Variants in TRIM44 observed in about 807,000 individuals in gnomAD.
TRIM44 encodes the protein tripartite motif-containing protein 44.
A neutral mutation model predicts 37.4 loss-of-function variants in TRIM44; 13 were observed. The ratio of observed to expected loss-of-function variants is 0.35; its 90% CI spans 0.23 to 0.55. TRIM44 has a LOEUF of 0.55. Among genes scored for constraint, TRIM44 ranks in the 20% least tolerant of loss-of-function variants. The pLI, the probability that TRIM44 is intolerant of heterozygous loss-of-function variation, is 0.89. For synonymous variants in TRIM44, 175 were observed against 157.2 expected, an observed-to-expected ratio of 1.11 and a Z score of -0.85; for missense variants, 426 against 437.2, an observed-to-expected ratio of 0.97 and a Z score of 0.23.
In TRIM44 at chr11:35,811,631, A is replaced by C. The variant is rs937936654; in HGVS notation, c.*5246A>C. On this transcript the variant is annotated 3_prime_UTR_variant, in exon 5 of 5. Coordinates refer to ENST00000299413, the MANE Select transcript of TRIM44 (RefSeq NM_017583.6). ...ATATACTCAGAGGCCTTCAGGAGCC[A>C]AATGTGAAGACTCAAGATGGTAGAT... is the stretch of plus-strand genomic sequence containing the variant. 1.3e-5 allele frequency: 2 copies of C among 152,202 alleles called. No individual in the cohort carries two copies. Among genetic ancestry groups the C allele is most frequent in the African/African-American group, 4.8e-5 (2 of 41,462 alleles). The allele number at this position is 152,202 out of a possible 1,614,324, so 9.4% of individuals were successfully genotyped here.
chr11:35,716,143 G>T (rs1394171955), intron 2 of TRIM44, among the ~76,000 whole-genome samples: 1 of 152,204 alleles, frequency 6.6e-6, no homozygotes, highest in Non-Finnish European at 1.5e-5. Context: ...CCAAGGCAGA[G>T]GGAGTGAAGA....
In TRIM44 at chr11:35,663,157, G is replaced by C. The variant is rs1166806753; in HGVS notation, c.46G>C (p.Gly16Arg). Reference protein sequence around the residue: ...GAAFEELPHDGTCDECEPDEA... With the variant: ...GAAFEELPHDRTCDECEPDEA... ...GGCCTTCGAGGAACTGCCTCACGACGGCACGTGTGACGAGTGCGAGCCCGA... is the reference window on the plus strand; with the variant it reads ...GGCCTTCGAGGAACTGCCTCACGACCGCACGTGTGACGAGTGCGAGCCCGA... The change falls in exon 1 of 5, where the codon GGC becomes CGC. Residue 16 changes from glycine to arginine, a missense_variant. Gly to Arg is a moderately radical substitution (Grantham distance 125). Coordinates refer to ENST00000299413, the MANE Select transcript of TRIM44 (RefSeq NM_017583.6). 6.4e-7 allele frequency: 1 copy of C among 1,552,802 alleles called. No homozygotes were observed. Among genetic ancestry groups the C allele is most frequent in the Non-Finnish European group, 8.7e-7 (1 of 1,150,052 alleles).
At chr11:35,693,012 C>T (rs1851654937) in intron 2 of TRIM44, among the ~76,000 whole-genome samples, 1 of 151,996 alleles carries the variant, frequency 6.6e-6, no homozygotes, top group South Asian at 2.1e-4. Context: ...TTGGGCAGCC[C>T]CCCAGAATCA....
chr11:35,693,093 G>T (rs1011155146), intron 2 of TRIM44, among the ~76,000 whole-genome samples: 5 of 152,098 alleles, frequency 3.3e-5, no homozygotes, highest in African/African-American at 1.2e-4. Flanking sequence ...GTGACATAAA[G>T]AAATCAGAAG....
chr11:35,719,888 A>G (rs981038047), intron 2 of TRIM44, among the ~76,000 whole-genome samples: 3 of 152,154 alleles, frequency 2.0e-5, no homozygotes, highest in African/African-American at 7.2e-5. Context: ...GCTCTTCATC[A>G]TGTTTCACTG....
chr11:35,664,868 A>G (rs1399672391), intron 1 of TRIM44, among the ~76,000 whole-genome samples: 1 of 152,232 alleles, frequency 6.6e-6, no homozygotes, highest in Non-Finnish European at 1.5e-5. Flanking sequence ...TCTTCTGCAT[A>G]AGTAAGCATA....
At chr11:35,709,865 A>G (rs1851944226) in intron 2 of TRIM44, among the ~76,000 whole-genome samples, 1 of 152,222 alleles carries the variant, frequency 6.6e-6, no homozygotes, top group African/African-American at 2.4e-5. Context: ...AGTCTAATTG[A>G]AAAATGAACA....
chr11:35,788,883 C>CT (rs2133876092), intron 4 of TRIM44, among the ~76,000 whole-genome samples: 1 of 152,306 alleles, frequency 6.6e-6, no homozygotes, highest in African/African-American at 2.4e-5. Flanking sequence ...TGAACATAAA[C>CT]TAAGTTGTTC....
chr11:35,769,041 C>T (rs68063352), intron 4 of TRIM44, among the ~76,000 whole-genome samples: 21,214 of 152,126 alleles, frequency 0.14, 1,888 homozygotes, highest in East Asian at 0.23. Flanking sequence ...TTAGTGGATC[C>T]ACATTTGTCC....
chr11:35,689,233 A>G (rs1851614264), intron 2 of TRIM44, among the ~76,000 whole-genome samples: 1 of 152,162 alleles, frequency 6.6e-6, no homozygotes, highest in Admixed American at 6.6e-5. Flanking sequence ...CCAGAGGAAA[A>G]TCAGGAACAA....
intron 2 of TRIM44, among the ~76,000 whole-genome samples, chr11:35,722,647 G>A (rs1852122922): frequency 6.6e-6 from 1 of 152,206 alleles, no homozygotes; most frequent in African/African-American, 2.4e-5. Flanking sequence ...ACCACCAGAG[G>A]TCATTCTCAT....
intron 2 of TRIM44, among the ~76,000 whole-genome samples, chr11:35,724,021 A>G (rs1852138858): frequency 6.6e-6 from 1 of 152,220 alleles, no homozygotes; most frequent in Non-Finnish European, 1.5e-5. Flanking sequence ...CATTAATAAC[A>G]TTTAATACAC....
At chr11:35,741,830 C>T (rs1227848768) in intron 4 of TRIM44, among the ~76,000 whole-genome samples, 1 of 152,150 alleles carries the variant, frequency 6.6e-6, no homozygotes, top group African/African-American at 2.4e-5. Context: ...TCTGCTAGGC[C>T]TTAGGGATAT....
chr11:35,793,456 C>T (rs995206335), intron 4 of TRIM44, among the ~76,000 whole-genome samples: 4 of 152,018 alleles, frequency 2.6e-5, no homozygotes, highest in African/African-American at 7.2e-5. Context: ...ACCCAAGAGG[C>T]GGAGGTTGCA....
intron 4 of TRIM44, among the ~76,000 whole-genome samples, chr11:35,781,500 T>C (rs944081754): frequency 6.6e-6 from 1 of 152,148 alleles, no homozygotes; most frequent in African/African-American, 2.4e-5. Flanking sequence ...CGACTCACTG[T>C]ATTCAGGGAT....
chr11:35,695,235 C>A (rs1851682166), intron 2 of TRIM44, among the ~76,000 whole-genome samples: 1 of 152,116 alleles, frequency 6.6e-6, no homozygotes, highest in Non-Finnish European at 1.5e-5. Context: ...GGTGCCCATC[C>A]TCGTTCTCCA....
In TRIM44 at chr11:35,723,637, T is replaced by C. The variant is rs182662879; in HGVS notation, c.748-2287T>C. Among the ~76,000 whole-genome samples, 5 of 152,358 alleles carry C rather than the reference T, an allele frequency of 3.3e-5. No homozygotes were observed. In the East Asian group the frequency reaches 9.6e-4, roughly 29 times the overall value. ...GGGAAATAGAGAATTTTAAAATCCATGACTCATTCACCTGCTGCAGTCTGG... is the reference window on the plus strand; with the variant it reads ...GGGAAATAGAGAATTTTAAAATCCACGACTCATTCACCTGCTGCAGTCTGG... On this transcript the variant is annotated intron_variant, in intron 2 of 4. Transcript: ENST00000299413.
chr11:35,800,619 C>T (rs955507806), intron 4 of TRIM44, among the ~76,000 whole-genome samples: 1 of 152,184 alleles, frequency 6.6e-6, no homozygotes, highest in African/African-American at 2.4e-5. Flanking sequence ...GTCCAGCTGG[C>T]TTCACCTCTC....
intron 4 of TRIM44, among the ~76,000 whole-genome samples, chr11:35,779,676 CA>C (rs143031291): frequency 0.014 from 2,123 of 152,152 alleles, 32 homozygotes; most frequent in Non-Finnish European, 0.017. Flanking sequence ...AATTCTTTGC[CA>C]AGACCGATGT....
Sources: allele counts gnomAD v4.1 joint callset (sites outside exome capture counted in the v4.1 genomes callset), GRCh38; gene constraint gnomAD v4.1.1; transcripts MANE v1.5; gene names NCBI Gene and HGNC (gene_info 2026-07-23, HGNC 2026-07-21).